CBR4: variants seen among roughly 807,000 people sequenced by gnomAD.
The protein encoded by CBR4 is 3-oxoacyl-[acyl-carrier-protein] reductase.
A neutral mutation model predicts 21.0 loss-of-function variants in CBR4; 22 were observed. That is an observed-to-expected ratio of 1.05 (90% confidence interval 0.75 to 1.50). CBR4 has a LOEUF of 1.50. Ranked by LOEUF, CBR4 falls within the 40% of genes most tolerant of loss-of-function variation. CBR4 has a pLI of 0.00. For synonymous variants in CBR4, 100 were observed against 104.4 expected, an observed-to-expected ratio of 0.96 and a Z score of 0.26; for missense variants, 302 against 286.3, an observed-to-expected ratio of 1.05 and a Z score of -0.40.
chr4:168,956,771 A>G (rs1763701757), intron 2 of CBR4, among the ~76,000 whole-genome samples: 1 of 152,172 alleles, frequency 6.6e-6, no homozygotes, highest in East Asian at 1.9e-4. Flanking sequence ...GAGAAAGGAT[A>G]TAATTTGCCA....
At chr4:168,922,178 A>G (rs1761719478) in intron 2 of CBR4, among the ~76,000 whole-genome samples, 1 of 151,620 alleles carries the variant, frequency 6.6e-6, no homozygotes, top group Non-Finnish European at 1.5e-5. Context: ...ATCTACCCTC[A>G]TAGTCATTGT....
chr4:168,970,594 G>C (rs144201760), intron 2 of CBR4, among the ~76,000 whole-genome samples: 4,047 of 152,230 alleles, frequency 0.027, 78 homozygotes, highest in Middle Eastern at 0.054. Context: ...CACCTGAGCA[G>C]TGTACACTGC....
intron 2 of CBR4, among the ~76,000 whole-genome samples, chr4:168,970,220 A>C (rs903726930): frequency 6.6e-6 from 1 of 152,178 alleles, no homozygotes; most frequent in African/African-American, 2.4e-5. Flanking sequence ...TTTGATAAAT[A>C]AAAGGACTTA....
At chr4:168,917,145 T>C (rs1415784265) in intron 2 of CBR4, among the ~76,000 whole-genome samples, 10 of 149,276 alleles carry the variant, frequency 6.7e-5, no homozygotes, top group African/African-American at 9.9e-5. Flanking sequence ...ACCTCCCAGG[T>C]TCAAGTGATT....
chr4:168,950,603 G>A (rs1174156149), intron 2 of CBR4, among the ~76,000 whole-genome samples: 2 of 152,190 alleles, frequency 1.3e-5, no homozygotes, highest in African/African-American at 4.8e-5. Context: ...TATCTATTAA[G>A]TCCATTTGTT....
At chr4:168,934,316 C>A in intron 2 of CBR4, among the ~76,000 whole-genome samples, 5 of 116,210 alleles carry the variant, frequency 4.3e-5, no homozygotes, top group African/African-American at 9.5e-5. Flanking sequence ...CAAGCCAAAC[C>A]CAAAATTAGC....
intron 2 of CBR4, among the ~76,000 whole-genome samples, chr4:168,972,752 C>T (rs186572575): frequency 3.3e-5 from 5 of 152,176 alleles, no homozygotes; most frequent in African/African-American, 1.2e-4. Flanking sequence ...TCCTCTTTAC[C>T]AATGTGGATG....
At chr4:168,955,629 G>T (rs569927145) in intron 2 of CBR4, among the ~76,000 whole-genome samples, 1 of 152,272 alleles carries the variant, frequency 6.6e-6, no homozygotes, top group South Asian at 2.1e-4. Flanking sequence ...GATTACTATG[G>T]AAGGTAGCAC....
intron 3 of CBR4, 29 bp downstream of exon 3, chr4:169,006,726 A>C: frequency 6.3e-7 from 1 of 1,588,924 alleles, no homozygotes; most frequent in Non-Finnish European, 8.6e-7. Context: ...TTATGGGATA[A>C]TCATAAATTC....
chr4:169,009,433 A>G (rs1181557640), intron 1 of CBR4, among the ~76,000 whole-genome samples: 2 of 152,248 alleles, frequency 1.3e-5, no homozygotes, highest in African/African-American at 4.8e-5. Flanking sequence ...GGGTTTCTCT[A>G]TCAAACACTG....
chr4:168,972,074 G>T (rs1447902090), intron 2 of CBR4, among the ~76,000 whole-genome samples: 4 of 152,108 alleles, frequency 2.6e-5, no homozygotes, highest in Non-Finnish European at 4.4e-5. Flanking sequence ...GTTTTCATTT[G>T]CTTTGTCAAA....
chr4:168,937,829 T>TA (rs1356908618), intron 2 of CBR4, among the ~76,000 whole-genome samples: 3 of 152,100 alleles, frequency 2.0e-5, no homozygotes. Flanking sequence ...CTTAGAGACC[T>TA]ACAAAGAGAC....
At chr4:169,006,431 G>A (rs560763688) in intron 3 of CBR4, among the ~76,000 whole-genome samples, 4 of 152,174 alleles carry the variant, frequency 2.6e-5, no homozygotes, top group Admixed American at 1.3e-4. Context: ...ATTCTTGCAC[G>A]GCAACAATCT....
At chr4:168,947,867 A>T (rs1763435833) in intron 2 of CBR4, among the ~76,000 whole-genome samples, 1 of 152,138 alleles carries the variant, frequency 6.6e-6, no homozygotes. Context: ...TCATATAATG[A>T]CTTCTTTTCC....
At position 169,010,143 on chromosome 4, in the gene CBR4, G is replaced by T; in HGVS notation, c.-54C>A. On this transcript the variant is annotated 5_prime_UTR_variant, in exon 1 of 5. In the 5' UTR this introduces an upstream ATG that the reference lacks. Coordinates refer to ENST00000306193, the MANE Select transcript of CBR4 (RefSeq NM_032783.5). ...GGTAGGGAGTGGGAGCCCCTCTCCA[G>T]GTTCCCTCAGGCTTTTAAACAACCG... The T allele has an allele frequency of 6.9e-7, 1 of 1,448,858 alleles. No individual in the cohort carries two copies. Among genetic ancestry groups the T allele is most frequent in the Non-Finnish European group, 9.2e-7 (1 of 1,083,046 alleles). The allele number at this position is 1,448,858 out of a possible 1,614,324, so 89.8% of individuals were successfully genotyped here.
intron 2 of CBR4, among the ~76,000 whole-genome samples, chr4:168,968,476 G>A (rs990998967): frequency 1.3e-5 from 2 of 152,220 alleles, no homozygotes; most frequent in African/African-American, 4.8e-5. Flanking sequence ...CCAAGTGAAT[G>A]TGAACTCCTT....
At chr4:168,976,555 C>G (rs1764377764) in intron 2 of CBR4, among the ~76,000 whole-genome samples, 2 of 152,126 alleles carry the variant, frequency 1.3e-5, no homozygotes, top group South Asian at 4.1e-4. Context: ...GGGGGTGGAT[C>G]TTGTAGTACA....
chr4:168,966,819 C>T (rs1317905715), intron 2 of CBR4, among the ~76,000 whole-genome samples: 2 of 152,088 alleles, frequency 1.3e-5, no homozygotes, highest in Non-Finnish European at 2.9e-5. Flanking sequence ...GAGATCAAGA[C>T]CATCCTGGCT....
chr4:168,925,353 C>G (rs1453344978), intron 2 of CBR4: 2 of 1,117,532 alleles, frequency 1.8e-6, no homozygotes, highest in Non-Finnish European at 2.8e-6. Context: ...TTAGTTGTGG[C>G]TTCCTTACTC....
Sources: allele counts gnomAD v4.1 joint callset (sites outside exome capture counted in the v4.1 genomes callset), GRCh38; gene constraint gnomAD v4.1.1; transcripts MANE v1.5; gene names NCBI Gene and HGNC (gene_info 2026-07-23, HGNC 2026-07-21).